CATSPERD: variants seen among roughly 807,000 people sequenced by gnomAD.
CATSPERD encodes the protein catsper channel auxiliary subunit delta.
CATSPERD carries 86 observed loss-of-function variants against 98.1 expected under a neutral mutation model. The observed-to-expected ratio is 0.88, with a 90% CI of 0.74 to 1.05. The LOEUF is 1.05. CATSPERD is among the 50% of genes least tolerant of loss of function. CATSPERD has a pLI of 0.00. For missense variants in CATSPERD, 995 were observed against 1,005.7 expected, an observed-to-expected ratio of 0.99 and a Z score of 0.14; for synonymous variants, 394 against 390.2, an observed-to-expected ratio of 1.01 and a Z score of -0.12.
rs991560040 is a variant in CATSPERD, at chr19:5,758,000, T to G, written c.1368+68T>G. 1.8e-5 allele frequency: 24 copies of G among 1,362,646 alleles called. No individual in the cohort carries two copies. The Admixed American group carries it at 4.9e-4, about 28-fold the overall frequency. 84.4% of individuals were successfully genotyped at this position (1,362,646 alleles called of 1,614,324 possible). On this transcript the variant is annotated intron_variant, in intron 14 of 21. Transcript: ENST00000381624. The stretch of plus-strand genomic sequence containing the variant: ...AGGCCCCCTCTTCCTCCTTCCCTTA[T>G]CAGCATAAAAATTTAGGAGTTTCCA...
At position 5,770,782 on chromosome 19, in the gene CATSPERD, A is replaced by G. The variant is rs546632420; in HGVS notation, c.1635-162A>G. ...AAAATTAACTAGAACAGAAGTTCCA[A>G]TATCATCTGGTCCATGGCTCTCAAT... is the stretch of plus-strand genomic sequence containing the variant. On this transcript the variant is annotated intron_variant, in intron 18 of 21. Transcript: ENST00000381624. Among the ~76,000 whole-genome samples the G allele has an allele frequency of 4.6e-5, 7 of 152,168 alleles. 1 individual carries two copies. The South Asian group carries it at 1.2e-3, about 27-fold the overall frequency.
rs1189116584 is a variant in CATSPERD at position 5,762,050 on chromosome 19, ATATATATATTTT to A, written c.1428-1163_1428-1152del. ...ACTGCGCCTGGCCTGCCATATATAT[ATATATATATTTT>A]TTTTTTTTTTTTTTTTTTTGAGACA... On this transcript the variant is annotated intron_variant, in intron 15 of 21. Coordinates refer to ENST00000381624, the MANE Select transcript of CATSPERD (RefSeq NM_152784.4). Among the ~76,000 whole-genome samples the A allele has an allele frequency of 4.5e-4, 9 of 20,044 alleles. 1 individual carries two copies. The highest frequency in any genetic ancestry group is 1.3e-3 in the African/African-American group (9 of 6,900). 13.1% of individuals were successfully genotyped at this position (20,044 alleles called of 152,430 possible).
At chr19:5,727,218 A>T (rs2055622103) in intron 2 of CATSPERD, 50 bp from the exon 3 acceptor site, 2 of 1,374,022 alleles carry the variant, frequency 1.5e-6, no homozygotes, top group African/African-American at 2.9e-5. Context: ...TATTTCTATC[A>T]GCTGTTTATG....
rs757001566 is a variant in CATSPERD at position 5,746,075 on chromosome 19, G to A, written c.808+12G>A. ...TTCCCATAATGCAGGTGAGCCCAGG[G>A]GCCCAGGGTGGGGCTGCCGCCTGGT... On this transcript the variant is annotated intron_variant, in intron 9 of 21. Transcript: ENST00000381624. The A allele has an allele frequency of 1.9e-6, 3 of 1,612,120 alleles. No homozygotes were observed. In the African/African-American group the frequency reaches 4.0e-5, roughly 22 times the overall value.
intron 15 of CATSPERD, among the ~76,000 whole-genome samples, chr19:5,761,636 T>G (rs1469065537): frequency 6.6e-6 from 1 of 152,196 alleles, no homozygotes; most frequent in African/African-American, 2.4e-5. Flanking sequence ...AAACAAGGCA[T>G]GTCTTCTCAT....
chr19:5,772,052 CT>C (rs745956659), intron 19 of CATSPERD: 3,274 of 91,244 alleles, frequency 0.036, 87 homozygotes, highest in African/African-American at 0.12. Context: ...TTCCTTTTTT[CT>C]TTTTTTTTTT....
At chr19:5,726,976 AAGGTC>A (rs972955102) in intron 2 of CATSPERD, among the ~76,000 whole-genome samples, 1 of 152,018 alleles carries the variant, frequency 6.6e-6, no homozygotes, top group Non-Finnish European at 1.5e-5. Context: ...GGTGGATCAC[AAGGTC>A]AGGAGATCGA....
At chr19:5,761,288 G>A (rs2145823690) in intron 15 of CATSPERD, among the ~76,000 whole-genome samples, 1 of 152,118 alleles carries the variant, frequency 6.6e-6, no homozygotes, top group East Asian at 1.9e-4. Context: ...TTTTACTAGA[G>A]ACGGGGTTTC....
chr19:5,756,008 C>T lies in CATSPERD; in HGVS notation c.1278+1763C>T, dbSNP rs959200699. On this transcript the variant is annotated intron_variant, in intron 13 of 21. Transcript: ENST00000381624. The stretch of plus-strand genomic sequence containing the variant: ...AAAAAATAAAAAAATTGTCCAGGCG[C>T]GGTGGCTCACGCCTGTAATCCCAGC... Among the ~76,000 whole-genome samples, 20 of 151,526 alleles carry T rather than the reference C, an allele frequency of 1.3e-4. 1 individual carries two copies. Among genetic ancestry groups the T allele is most frequent in the Admixed American group, 9.9e-4 (15 of 15,162 alleles).
At chr19:5,739,471 A>C in intron 7 of CATSPERD, 32 bp downstream of exon 7, 2 of 1,184,184 alleles carry the variant, frequency 1.7e-6, no homozygotes, top group Non-Finnish European at 2.5e-6. Flanking sequence ...TGTGAAAATA[A>C]ATACATATGT....
intron 18 of CATSPERD, among the ~76,000 whole-genome samples, chr19:5,770,132 T>C (rs2056618319): frequency 1.4e-5 from 2 of 141,578 alleles, no homozygotes; most frequent in South Asian, 4.6e-4. Context: ...CCATTGAAAG[T>C]AATGGCAAAA....
chr19:5,738,235 G>A (rs1397311055), intron 6 of CATSPERD, among the ~76,000 whole-genome samples: 2 of 150,936 alleles, frequency 1.3e-5, no homozygotes, highest in Admixed American at 6.7e-5. Context: ...GTGAAACCCC[G>A]TCTCTACTAA....
intron 9 of CATSPERD, among the ~76,000 whole-genome samples, chr19:5,747,658 G>GCTGGA (rs2056121585): frequency 7.3e-6 from 1 of 136,800 alleles, no homozygotes; most frequent in South Asian, 2.3e-4. Context: ...TGTCGCCCAG[G>GCTGGA]CTGGAGTACA....
At position 5,778,665 on chromosome 19, in the gene CATSPERD, T is replaced by G. The variant is rs1599609023; in HGVS notation, c.2386T>G (p.Ser796Ala). The G allele has an allele frequency of 6.2e-7, 1 of 1,612,276 alleles. No homozygotes were observed. Among genetic ancestry groups the G allele is most frequent in the Non-Finnish European group, 8.5e-7 (1 of 1,179,324 alleles). Reference sequence around the variant, plus strand: ...CCACCGCACTCCTCACGGAGGCAGGTCTGACCACTGAGGCCGGTCCACAGG... The same window carrying G: ...CCACCGCACTCCTCACGGAGGCAGGGCTGACCACTGAGGCCGGTCCACAGG... ...GRHRTPHGGR[S>A]DH Residue 796 changes from serine to alanine, a missense_variant, in exon 22 of 22, where the codon TCT becomes GCT. By Grantham distance (99) the Ser-to-Ala change is moderately conservative. Coordinates refer to ENST00000381624, the MANE Select transcript of CATSPERD (RefSeq NM_152784.4).
chr19:5,734,392 A>C (rs1599521895), intron 5 of CATSPERD, among the ~76,000 whole-genome samples: 2 of 152,220 alleles, frequency 1.3e-5, no homozygotes, highest in South Asian at 4.1e-4. Flanking sequence ...TAATCCCAGC[A>C]CTTTGGGAGA....
chr19:5,745,921 C>T lies in CATSPERD; in HGVS notation c.666C>T (p.Phe222=), dbSNP rs2056083894. 1 of 1,613,976 alleles carries T rather than the reference C, an allele frequency of 6.2e-7. No individual in the cohort carries two copies. The highest frequency in any genetic ancestry group is 8.5e-7 in the Non-Finnish European group (1 of 1,180,006). ...GTGTCTTTTTCTCCCAGGGCATGTT[C>T]AAGTACTCAGATCACCCCCTCAACC... The part of the protein sequence containing the change: ...MLVVNQGKGM[F]KYSDHPLNRS... Residue 222 remains phenylalanine (F), a synonymous_variant, in exon 9 of 22, where the codon TTC becomes TTT. Coordinates refer to ENST00000381624, the MANE Select transcript of CATSPERD (RefSeq NM_152784.4).
chr19:5,745,588 T>C (rs2056078213), intron 8 of CATSPERD, among the ~76,000 whole-genome samples: 1 of 151,988 alleles, frequency 6.6e-6, no homozygotes. Context: ...GCCACTGCAC[T>C]CCAGCCTGGG....
intron 11 of CATSPERD, among the ~76,000 whole-genome samples, chr19:5,749,607 A>C (rs1412897440): frequency 1.3e-5 from 2 of 152,166 alleles, no homozygotes; most frequent in Non-Finnish European, 2.9e-5. Flanking sequence ...AAAATACTAT[A>C]GGTGCTGGTC....
intron 3 of CATSPERD, among the ~76,000 whole-genome samples, chr19:5,729,502 C>G (rs1599510785): frequency 6.6e-6 from 1 of 152,236 alleles, no homozygotes; most frequent in Admixed American, 6.6e-5. Flanking sequence ...ATGGCCTTTT[C>G]CTATTTAAAA....
Sources: allele counts gnomAD v4.1 joint callset (sites outside exome capture counted in the v4.1 genomes callset), GRCh38; gene constraint gnomAD v4.1.1; transcripts MANE v1.5; gene names NCBI Gene and HGNC (gene_info 2026-07-23, HGNC 2026-07-21).